WIPI2: variants seen among roughly 807,000 people sequenced by gnomAD.
WIPI2 encodes WD repeat domain, phosphoinositide interacting 2.
Under a neutral mutation model 52.3 loss-of-function variants are expected in WIPI2, and 28 were observed. The ratio of observed to expected loss-of-function variants is 0.54; its 90% CI spans 0.40 to 0.73. The LOEUF (loss-of-function observed/expected upper bound fraction) is 0.73, where lower values mean the gene tolerates loss of function less well. WIPI2 is among the 30% of genes least tolerant of loss of function. The probability of loss-of-function intolerance (pLI) is 0.00; values close to 1 mark genes in which losing one functional copy is unlikely to be tolerated. For synonymous variants in WIPI2, 268 were observed against 245.0 expected (o/e 1.09, Z -0.88); for missense variants, 506 against 602.9 (o/e 0.84, Z 1.68).
In WIPI2 at chr7:5,230,758, C is replaced by A; in HGVS notation, c.1253-77C>A. 3.7e-6 allele frequency: 4 copies of A among 1,085,378 alleles called. No individual in the cohort carries two copies. The highest frequency in any genetic ancestry group is 5.3e-6 in the Non-Finnish European group (4 of 758,010). The allele number at this position is 1,085,378 out of a possible 1,614,324, so 67.2% of individuals were successfully genotyped here. On this transcript the variant is annotated intron_variant, in intron 12 of 12. Coordinates refer to ENST00000288828, the MANE Select transcript of WIPI2 (RefSeq NM_015610.4). The surrounding 1 kb of genome is among the most constrained non-coding windows in gnomAD (Gnocchi z 4.8). The stretch of plus-strand genomic sequence containing the variant: ...TAAATATACACCAGTGTTTCCAAAA[C>A]ACAGTCCTCAGTGTGTGTCATGGGG...
chr7:5,232,514 G>C lies in WIPI2; in HGVS notation c.*1567G>C, dbSNP rs1259082419. Reference sequence around the variant, plus strand: ...TGAACTTTTCCTTCAAAACCTGCTTGTCTGTCCTGGACCTTTGATGAAATG... The same window carrying C: ...TGAACTTTTCCTTCAAAACCTGCTTCTCTGTCCTGGACCTTTGATGAAATG... On this transcript the variant is annotated 3_prime_UTR_variant, in exon 13 of 13. Transcript: ENST00000288828. 1.0e-5 allele frequency: 4 copies of C among 394,136 alleles called. No individual in the cohort carries two copies. The South Asian group carries it at 4.3e-4, about 42-fold the overall frequency. 24.4% of individuals were successfully genotyped at this position (394,136 alleles called of 1,614,324 possible). A position where few individuals can be genotyped will look rare whatever the true frequency, so the allele number is the denominator to read the frequency against.
chr7:5,191,992 G>T (rs568572858), intron 1 of WIPI2, among the ~76,000 whole-genome samples: 1 of 152,150 alleles, frequency 6.6e-6, no homozygotes, highest in African/African-American at 2.4e-5. Context: ...AGTGGAGCGG[G>T]GGCAGGAGTG....
intron 3 of WIPI2, among the ~76,000 whole-genome samples, chr7:5,205,773 G>T (rs1263975824): frequency 6.6e-6 from 1 of 151,948 alleles, no homozygotes; most frequent in Admixed American, 6.6e-5. Context: ...CTCCCAAAGT[G>T]CTGGGATTAT....
rs1047299264 is a variant in WIPI2, at chr7:5,227,356, C to T, written c.1013+12C>T. 1.1e-5 allele frequency: 18 copies of T among 1,610,364 alleles called. No homozygotes were observed. The highest frequency in any genetic ancestry group is 5.3e-5 in the African/African-American group (4 of 74,930). ...TGCTCGCTAGCCACGTGAGTAGAGCCGGCGCCTCCGTCCCCCACCCCGTGT... is the reference window on the plus strand; with the variant it reads ...TGCTCGCTAGCCACGTGAGTAGAGCTGGCGCCTCCGTCCCCCACCCCGTGT... On this transcript the variant is annotated intron_variant, in intron 10 of 12. Coordinates refer to ENST00000288828, the MANE Select transcript of WIPI2 (RefSeq NM_015610.4). The surrounding 1 kb of genome is among the most constrained non-coding windows in gnomAD (Gnocchi z 8.1).
chr7:5,224,538 CTG>C (rs1328698440), intron 8 of WIPI2, among the ~76,000 whole-genome samples: 2 of 152,098 alleles, frequency 1.3e-5, no homozygotes, highest in African/African-American at 2.4e-5. Flanking sequence ...TCAAATCAGT[CTG>C]TCTGAGCATT....
At chr7:5,221,973 CG>C (rs1307056036) in intron 7 of WIPI2, among the ~76,000 whole-genome samples, 1 of 145,900 alleles carries the variant, frequency 6.9e-6, no homozygotes, top group Non-Finnish European at 1.5e-5. Flanking sequence ...TTTCCCCCCC[CG>C]AGATGGAGTC....
chr7:5,190,373 C>T lies in WIPI2; in HGVS notation c.-47C>T, dbSNP rs930891846. ...CCCTGAGTGCAGCCTGACCCGCCCT[C>T]GCGCGCGCGCCCTCCCCGGCCGGGC... On this transcript the variant is annotated 5_prime_UTR_variant, in exon 1 of 13. Transcript: ENST00000288828. 4 of 1,284,654 alleles carry T rather than the reference C, an allele frequency of 3.1e-6. No homozygotes were observed. Among genetic ancestry groups the T allele is most frequent in the Non-Finnish European group, 4.0e-6 (4 of 1,005,890 alleles). 79.6% of individuals were successfully genotyped at this position (1,284,654 alleles called of 1,614,324 possible).
chr7:5,216,534 C>T (rs368332832), intron 4 of WIPI2, 29 bp from the exon 5 acceptor site: 14 of 1,602,504 alleles, frequency 8.7e-6, no homozygotes, highest in South Asian at 3.3e-5. Context: ...CGTTGCTTCA[C>T]GTTTGGTTTC....
chr7:5,228,440 G>A (rs1783554665), intron 11 of WIPI2, among the ~76,000 whole-genome samples: 1 of 152,258 alleles, frequency 6.6e-6, no homozygotes, highest in Non-Finnish European at 1.5e-5. Context: ...GGCTCCCTCA[G>A]GGACTGGGCA....
chr7:5,229,573 G>GGAGACGCTGAGCTGTGTC (rs1295809588), intron 11 of WIPI2, 35 bp from the exon 12 acceptor site: 1 of 1,602,340 alleles, frequency 6.2e-7, no homozygotes, highest in South Asian at 1.1e-5. Flanking sequence ...TGCCCTGTGT[G>GGAGACGCTGAGCTGTGTC]GAGACGCTGA....
intron 7 of WIPI2, among the ~76,000 whole-genome samples, chr7:5,220,001 A>G (rs1714693725): frequency 6.7e-6 from 1 of 149,610 alleles, no homozygotes; most frequent in Admixed American, 6.7e-5. Context: ...ACGCCCGGCT[A>G]ATTGTTGTAC....
At chr7:5,190,699 G>A in intron 1 of WIPI2, 2 of 417,584 alleles carry the variant, frequency 4.8e-6, no homozygotes, top group Non-Finnish European at 4.1e-6. Context: ...CTGGAGCTGC[G>A]GTCCCGGAGC....
intron 12 of WIPI2, 147 bp downstream of exon 12, chr7:5,229,885 G>C: frequency 8.4e-7 from 1 of 1,191,754 alleles, no homozygotes; most frequent in Non-Finnish European, 1.1e-6. Flanking sequence ...TTGGTAAATG[G>C]GTGTTCCCAA....
Position 5,225,829 on chromosome 7 carries a change from G to A in WIPI2, c.747G>A (p.Val249=). ...AACCTGTGCGTCTCCCCAGGTGCGTGAGCATCTGCTCCCTGGCCTTCAGCA... is the reference window on the plus strand; with the variant it reads ...AACCTGTGCGTCTCCCCAGGTGCGTAAGCATCTGCTCCCTGGCCTTCAGCA... ...FEFRRGVKRC[V]SICSLAFSMD... Residue 249 remains valine, a synonymous_variant, in exon 9 of 13, where the codon GTG becomes GTA. Coordinates refer to ENST00000288828, the MANE Select transcript of WIPI2 (RefSeq NM_015610.4). 6.2e-7 allele frequency: 1 copy of A among 1,611,776 alleles called. No individual in the cohort carries two copies. Among genetic ancestry groups the A allele is most frequent in the East Asian group, 2.2e-5 (1 of 44,862 alleles).
intron 7 of WIPI2, among the ~76,000 whole-genome samples, chr7:5,222,002 T>G (rs1424965723): frequency 6.9e-6 from 1 of 144,024 alleles, no homozygotes; most frequent in Non-Finnish European, 1.5e-5. Flanking sequence ...AGAGCTGGAG[T>G]GCAGTGGTGC....
At chr7:5,217,527 C>G (rs1272830271) in intron 6 of WIPI2, 8 of 394,760 alleles carry the variant, frequency 2.0e-5, no homozygotes, top group Admixed American at 1.9e-4. Flanking sequence ...AAACTCCTGG[C>G]CTTAAGCCAT....
intron 2 of WIPI2, among the ~76,000 whole-genome samples, chr7:5,197,853 G>C (rs1406004484): frequency 1.3e-5 from 2 of 152,176 alleles, no homozygotes; most frequent in African/African-American, 4.8e-5. Context: ...CCTGGTATCT[G>C]ATTCCTCTGT....
At position 5,227,105 on chromosome 7, in the gene WIPI2, C is replaced by T. The variant is rs564662388; in HGVS notation, c.849-75C>T. On this transcript the variant is annotated intron_variant, in intron 9 of 12. Coordinates refer to ENST00000288828, the MANE Select transcript of WIPI2 (RefSeq NM_015610.4). This position sits in a 1 kb window ranked among gnomAD's most constrained non-coding sequence, Gnocchi z 8.1. Reference sequence around the variant, plus strand: ...TTTTGCTGTCGGCTCCAGAGCTGTGCGTCTGTGTGAGTAGGGGGTGGCCGT... The same window carrying T: ...TTTTGCTGTCGGCTCCAGAGCTGTGTGTCTGTGTGAGTAGGGGGTGGCCGT... 130 of 1,572,806 alleles carry T rather than the reference C, an allele frequency of 8.3e-5. 1 individual carries two copies. The African/African-American group carries it at 1.4e-3, about 17-fold the overall frequency.
At position 5,190,398 on chromosome 7, in the gene WIPI2, C is replaced by A. The variant is rs755174819; in HGVS notation, c.-22C>A. 11 of 1,376,028 alleles carry A rather than the reference C, an allele frequency of 8.0e-6. No individual in the cohort carries two copies. The highest frequency in any genetic ancestry group is 1.0e-5 in the Non-Finnish European group (11 of 1,058,870). 85.2% of individuals were successfully genotyped at this position (1,376,028 alleles called of 1,614,324 possible). A position where few individuals can be genotyped will look rare whatever the true frequency, so the allele number is the denominator to read the frequency against. ...CGCGCGCGCGCCCTCCCCGGCCGGG[C>A]CCACTCGCCGCGCGCCCAGCCATGA... On this transcript the variant is annotated 5_prime_UTR_variant, in exon 1 of 13. Transcript: ENST00000288828.
Sources: gnomAD v4.1 joint callset for allele counts (sites outside exome capture counted in the v4.1 genomes callset) on GRCh38, gnomAD v4.1.1 for gene constraint, Gnocchi (gnomAD v3.1) non-coding constraint, MANE v1.5 for transcripts, NCBI Gene and HGNC (gene_info 2026-07-23, HGNC 2026-07-21) for gene names.